The following CEP41 variants were observed in gnomAD, a reference collection of about 807,000 sequenced individuals.
CEP41 encodes centrosomal protein 41, also known as centrosomal protein of 41 kDa.
In CEP41, 32 loss-of-function variants were observed where a neutral mutation model predicts 44.3. The observed-to-expected ratio is 0.72, with a 90% CI of 0.54 to 0.97. The LOEUF (loss-of-function observed/expected upper bound fraction) is 0.97, where lower values mean the gene tolerates loss of function less well. Ranked by LOEUF, CEP41 falls within the 50% of genes least tolerant of loss-of-function variation. The pLI is 0.00. For synonymous variants in CEP41, 151 were observed against 168.5 expected (o/e 0.90, Z 0.80); for missense variants, 432 against 455.2 (o/e 0.95, Z 0.46).
intron 5 of CEP41, among the ~76,000 whole-genome samples, chr7:130,407,161 G>A (rs1439116584): frequency 6.6e-6 from 1 of 151,414 alleles, no homozygotes; most frequent in Non-Finnish European, 1.5e-5. Flanking sequence ...AAACTAAAAT[G>A]TTAATCCCTC....
upstream of CEP41, chr7:130,441,258 G>GGGGGA (rs1798157616): frequency 1.9e-6 from 1 of 533,892 alleles, no homozygotes; most frequent in Non-Finnish European, 3.4e-6. Flanking sequence ...GAGAGGCGCG[G>GGGGGA]GGGGAGGGGA....
intron 1 of CEP41, among the ~76,000 whole-genome samples, chr7:130,438,494 G>A (rs552713632): frequency 1.4e-4 from 22 of 152,230 alleles, no homozygotes; most frequent in African/African-American, 5.3e-4. Context: ...GGGAGGTGGA[G>A]GTTGCAGTGA....
intron 1 of CEP41, among the ~76,000 whole-genome samples, chr7:130,437,786 AAAGAAAAAG>A (rs1335689596): frequency 0.042 from 5,451 of 129,246 alleles, 558 homozygotes; most frequent in Non-Finnish European, 0.051. Flanking sequence ...AAAAAAAAAA[AAAGAAAAAG>A]AAAAAAAAAG....
At chr7:130,438,935 ATCTT>A (rs1798057997) in intron 1 of CEP41, among the ~76,000 whole-genome samples, 1 of 152,176 alleles carries the variant, frequency 6.6e-6, no homozygotes, top group African/African-American at 2.4e-5. Flanking sequence ...CAACCCACTT[ATCTT>A]TTTTTTGAGG....
At chr7:130,413,838 C>A (rs1256547194) in intron 3 of CEP41, among the ~76,000 whole-genome samples, 1 of 152,086 alleles carries the variant, frequency 6.6e-6, no homozygotes, top group African/African-American at 2.4e-5. Context: ...TGAACTCTGC[C>A]CGCCCTCATG....
At position 130,396,528 on chromosome 7, in the gene CEP41, G is replaced by A. The variant is rs1235800793; in HGVS notation, c.*2363C>T. 4 of 454,494 alleles carry A rather than the reference G, an allele frequency of 8.8e-6. No individual in the cohort carries two copies. The highest frequency in any genetic ancestry group is 3.1e-5 in the South Asian group (2 of 64,478). 28.2% of individuals were successfully genotyped at this position (454,494 alleles called of 1,614,324 possible). A position where few individuals can be genotyped will look rare whatever the true frequency, so the allele number is the denominator to read the frequency against. ...AGTTTTCAGCATATTAATAGCAAAC[G>A]ACAAATTAGTAACTATGTACTTTAA... On this transcript the variant is annotated 3_prime_UTR_variant, in exon 11 of 11. Coordinates refer to ENST00000223208, the MANE Select transcript of CEP41 (RefSeq NM_018718.3).
intron 6 of CEP41, among the ~76,000 whole-genome samples, chr7:130,403,944 G>C (rs1424211439): frequency 6.6e-6 from 1 of 152,178 alleles, no homozygotes; most frequent in Non-Finnish European, 1.5e-5. Flanking sequence ...TATTTTATCA[G>C]TCAAAGGGAT....
chr7:130,436,949 G>A (rs1435966740), intron 1 of CEP41, among the ~76,000 whole-genome samples: 1 of 152,168 alleles, frequency 6.6e-6, no homozygotes, highest in Non-Finnish European at 1.5e-5. Context: ...TGAGGCAGGA[G>A]AATCGCTTGA....
chr7:130,409,417 A>T (rs1354556731), intron 5 of CEP41, among the ~76,000 whole-genome samples: 4 of 152,256 alleles, frequency 2.6e-5, no homozygotes, highest in African/African-American at 9.6e-5. Flanking sequence ...TTAAAATTGG[A>T]GTACTTGTAT....
intron 1 of CEP41, among the ~76,000 whole-genome samples, chr7:130,432,225 T>C (rs1554425261): frequency 6.6e-6 from 1 of 152,150 alleles, no homozygotes; most frequent in East Asian, 1.9e-4. Context: ...AAGGCTATCG[T>C]GCTAAGAGGA....
chr7:130,405,305 A>G (rs1445833956), intron 5 of CEP41, among the ~76,000 whole-genome samples: 4 of 152,214 alleles, frequency 2.6e-5, no homozygotes, highest in African/African-American at 9.7e-5. Context: ...AACTTTTGCT[A>G]TGCACACCAT....
chr7:130,422,062 T>C, intron 2 of CEP41: 1 of 1,532,706 alleles, frequency 6.5e-7, no homozygotes, highest in East Asian at 2.4e-5. Flanking sequence ...TTTCTAGCCA[T>C]GGCTGCACTC....
At position 130,428,020 on chromosome 7, in the gene CEP41, TA is replaced by T; in HGVS notation, c.34-3del. ...CTGTGGTATCCTTTTCATCAGATAC[TA>T]AAAAATAAGGAAATTCACAATTAAT... On this transcript the variant is annotated splice_polypyrimidine_tract_variant and splice_region_variant and intron_variant, in intron 1 of 10. Coordinates refer to ENST00000223208, the MANE Select transcript of CEP41 (RefSeq NM_018718.3). The T allele has an allele frequency of 6.3e-7, 1 of 1,586,934 alleles. No homozygotes were observed. The highest frequency in any genetic ancestry group is 8.7e-7 in the Non-Finnish European group (1 of 1,155,598).
At chr7:130,410,745 C>T (rs1223712998) in intron 5 of CEP41, 1 of 291,912 alleles carries the variant, frequency 3.4e-6, no homozygotes, top group East Asian at 8.4e-5. Flanking sequence ...AACACACATA[C>T]ATGTGTGCAC....
chr7:130,395,755 G>A lies in CEP41; in HGVS notation c.*3136C>T. On this transcript the variant is annotated 3_prime_UTR_variant, in exon 11 of 11. Transcript: ENST00000223208. ...GTAGCCTAAAGTCTTAAGAATTTTT[G>A]TATAATTTAAATAGCACCACAGGAA... The A allele has an allele frequency of 2.2e-6, 1 of 453,432 alleles. No individual in the cohort carries two copies. The highest frequency in any genetic ancestry group is 2.0e-5 in the African/African-American group (1 of 49,968). 28.1% of individuals were successfully genotyped at this position (453,432 alleles called of 1,614,324 possible).
At chr7:130,434,588 A>T (rs1357245757) in intron 1 of CEP41, among the ~76,000 whole-genome samples, 1 of 152,210 alleles carries the variant, frequency 6.6e-6, no homozygotes, top group Non-Finnish European at 1.5e-5. Flanking sequence ...AATGTGCTCT[A>T]GTCACATGCT....
chr7:130,417,318 G>A, intron 2 of CEP41: 2 of 1,113,968 alleles, frequency 1.8e-6, no homozygotes, highest in African/African-American at 3.3e-5. Context: ...CGATCTTTTT[G>A]TGGGGAAGAT....
At chr7:130,400,656 C>T (rs782154869) in intron 9 of CEP41, 51 bp downstream of exon 9, 6 of 1,101,922 alleles carry the variant, frequency 5.4e-6, no homozygotes, top group East Asian at 2.4e-5. Context: ...GCAGGTGGGA[C>T]TGAAGGATGA....
chr7:130,394,838 G>T lies in CEP41; in HGVS notation c.*4053C>A. On this transcript the variant is annotated 3_prime_UTR_variant, in exon 11 of 11. Transcript: ENST00000223208. ...CTGGGAGCTTATAGTCAAAATAATT[G>T]CAACAGGAAGACATATTGATATCCT... is the stretch of plus-strand genomic sequence containing the variant. The T allele has an allele frequency of 2.2e-6, 1 of 454,092 alleles. No homozygotes were observed. Among genetic ancestry groups the T allele is most frequent in the Non-Finnish European group, 4.4e-6 (1 of 226,780 alleles). 28.1% of individuals were successfully genotyped at this position (454,092 alleles called of 1,614,324 possible). A position where few individuals can be genotyped will look rare whatever the true frequency, so the allele number is the denominator to read the frequency against.
Sources: allele counts gnomAD v4.1 joint callset (sites outside exome capture counted in the v4.1 genomes callset), GRCh38; gene constraint gnomAD v4.1.1; transcripts MANE v1.5; gene names NCBI Gene and HGNC (gene_info 2026-07-23, HGNC 2026-07-21).